CC2D2A: variants seen among roughly 807,000 people sequenced by gnomAD.
The protein encoded by CC2D2A is coiled-coil and C2 domain containing 2A.
Under a neutral mutation model 212.9 loss-of-function variants are expected in CC2D2A, and 155 were observed. The observed-to-expected ratio is 0.73, with a 90% confidence interval of 0.64 to 0.83. The LOEUF is 0.83. Ranked by LOEUF, CC2D2A falls within the 40% of genes least tolerant of loss-of-function variation. CC2D2A has a pLI of 0.00. For missense variants in CC2D2A, 1,856 were observed against 1,956.2 expected (o/e 0.95, Z 0.97); for synonymous variants, 667 against 686.5 (o/e 0.97, Z 0.44).
intron 31 of CC2D2A, among the ~76,000 whole-genome samples, chr4:15,586,903 A>G (rs1038095485): frequency 6.6e-6 from 1 of 152,218 alleles, no homozygotes; most frequent in Admixed American, 6.5e-5. Context: ...ATTTAAGTGC[A>G]CTTTAAATTT....
At chr4:15,578,814 TTG>T (rs1491048129) in intron 29 of CC2D2A, among the ~76,000 whole-genome samples, 6 of 135,668 alleles carry the variant, frequency 4.4e-5, no homozygotes, top group Non-Finnish European at 6.6e-5. Context: ...GTTTGTTTGT[TTG>T]TTTTTAATAG....
At chr4:15,524,276 G>A (rs2109021011) in intron 11 of CC2D2A, among the ~76,000 whole-genome samples, 1 of 151,462 alleles carries the variant, frequency 6.6e-6, no homozygotes, top group East Asian at 1.9e-4. Flanking sequence ...GGGATTATAG[G>A]CACCCGCCAC....
At chr4:15,476,832 T>G (rs1051764668) in intron 2 of CC2D2A, among the ~76,000 whole-genome samples, 1 of 152,196 alleles carries the variant, frequency 6.6e-6, no homozygotes, top group Non-Finnish European at 1.5e-5. Flanking sequence ...CTGTCTAATT[T>G]GGAGACTGCA....
chr4:15,537,175 G>T, intron 15 of CC2D2A, 99 bp downstream of exon 15: 2 of 1,044,802 alleles, frequency 1.9e-6, no homozygotes, highest in South Asian at 1.9e-5. Context: ...TGGCAGACTA[G>T]GGTATCCTGT....
At chr4:15,550,721 G>T in intron 17 of CC2D2A, 103 bp from the exon 18 acceptor site, 1 of 813,682 alleles carries the variant, frequency 1.2e-6, no homozygotes, top group Non-Finnish European at 1.8e-6. Flanking sequence ...CCTTAGGGCT[G>T]GAACAGTGAC....
At chr4:15,555,464 C>A (rs1159172132) in intron 20 of CC2D2A, among the ~76,000 whole-genome samples, 1 of 152,154 alleles carries the variant, frequency 6.6e-6, no homozygotes, top group African/African-American at 2.4e-5. Context: ...CTCGGCCGGG[C>A]ATGGTGGCTC....
chr4:15,492,745 G>A (rs1307737461), intron 4 of CC2D2A: 3 of 822,768 alleles, frequency 3.6e-6, no homozygotes, highest in African/African-American at 3.4e-5. Context: ...GGCCATGTGG[G>A]CCATGAGGTC....
At chr4:15,563,219 T>C (rs1719702742) in intron 23 of CC2D2A, 136 bp from the exon 24 acceptor site, 2 of 793,850 alleles carry the variant, frequency 2.5e-6, no homozygotes, top group East Asian at 2.7e-5. Flanking sequence ...TTCTAGACTA[T>C]TTCCACCCAC....
intron 2 of CC2D2A, among the ~76,000 whole-genome samples, chr4:15,477,761 A>C (rs775421750): frequency 2.1e-4 from 32 of 152,282 alleles, no homozygotes; most frequent in Non-Finnish European, 4.0e-4. Flanking sequence ...AACCAAGGCT[A>C]TTCTCTCGTT....
chr4:15,580,108 C>T lies in CC2D2A; in HGVS notation c.3912C>T (p.Leu1304=). ...SGKTVFITRY[L]KPLNPPQELL... is the part of the protein sequence containing the mutation. ...AAACTGTTTTTATCACACGTTATCT[C>T]AAACCTTTAAACCCTCCTCAGGAGC... is the stretch of plus-strand genomic sequence containing the variant. The change falls in exon 30 of 37, where the codon CTC becomes CTT. Residue 1304 remains leucine (L), a synonymous_variant. Coordinates refer to ENST00000424120, the MANE Select transcript of CC2D2A (RefSeq NM_001378615.1). The T allele has an allele frequency of 6.2e-7, 1 of 1,613,926 alleles. No individual in the cohort carries two copies.
At position 15,557,399 on chromosome 4, in the gene CC2D2A, A is replaced by T. The variant is rs1682482204; in HGVS notation, c.2721A>T (p.Arg907Ser). Residue 907 changes from arginine (R) to serine (S), a missense_variant, in exon 21 of 37, where the codon AGA becomes AGT. By Grantham distance (110) the Arg-to-Ser change is moderately radical. This residue lies in a region of CC2D2A where 1,512 missense variants were observed against 1,579.3 expected (regional missense o/e 0.96). Transcript: ENST00000424120. ...FNFVSDQELN[R>S]SKRFRLLHLR... ...TTGTTTCAGATCAAGAATTAAATAG[A>T]TCCAAACGATTTAGGCTTCTTCATC... 2 of 1,613,440 alleles carry T rather than the reference A, an allele frequency of 1.2e-6. No homozygotes were observed. The highest frequency in any genetic ancestry group is 1.7e-6 in the Non-Finnish European group (2 of 1,179,638).
At chr4:15,515,287 C>T (rs551633937) in intron 9 of CC2D2A, among the ~76,000 whole-genome samples, 50 of 152,314 alleles carry the variant, frequency 3.3e-4, no homozygotes, top group Admixed American at 2.2e-3. Flanking sequence ...GATTCAAGCT[C>T]CAAGGCAGCA....
In CC2D2A at chr4:15,517,040, C is replaced by T. The variant is rs574281914; in HGVS notation, c.1149+284C>T. ...TCGGCTCACTGCAGGCTCCGCCTCC[C>T]GGGTTCACGCCATTCTCCTGCCTCA... On this transcript the variant is annotated intron_variant, in intron 11 of 36. Transcript: ENST00000424120. Among the ~76,000 whole-genome samples, 33 of 148,578 alleles carry T rather than the reference C, an allele frequency of 2.2e-4. No individual in the cohort carries two copies. In the East Asian group the frequency reaches 5.1e-3, roughly 23 times the overall value.
intron 4 of CC2D2A, among the ~76,000 whole-genome samples, chr4:15,493,471 C>G (rs1715434942): frequency 6.6e-6 from 1 of 152,060 alleles, no homozygotes; most frequent in Non-Finnish European, 1.5e-5. Flanking sequence ...CAGCATTTTA[C>G]CATGTTGCCC....
intron 28 of CC2D2A, among the ~76,000 whole-genome samples, chr4:15,572,150 A>C (rs1429642771): frequency 6.6e-6 from 1 of 152,218 alleles, no homozygotes; most frequent in East Asian, 1.9e-4. Flanking sequence ...TATTAGGTGC[A>C]TATTATATGT....
intron 30 of CC2D2A, among the ~76,000 whole-genome samples, chr4:15,583,970 GAA>G (rs1720758470): frequency 6.7e-6 from 1 of 149,242 alleles, no homozygotes; most frequent in Non-Finnish European, 1.5e-5. Flanking sequence ...AAAAAGAAAA[GAA>G]AAGAAAATTA....
chr4:15,550,588 C>T, intron 17 of CC2D2A: 1 of 357,382 alleles, frequency 2.8e-6, no homozygotes, highest in Non-Finnish European at 5.0e-6. Flanking sequence ...ATTAGCCTCC[C>T]TACCCAGAAG....
chr4:15,508,889 T>C (rs1274811435), intron 6 of CC2D2A, among the ~76,000 whole-genome samples: 1 of 152,180 alleles, frequency 6.6e-6, no homozygotes, highest in Non-Finnish European at 1.5e-5. Flanking sequence ...TGAACACCTA[T>C]ATGTGCTACT....
intron 31 of CC2D2A, among the ~76,000 whole-genome samples, chr4:15,586,879 C>A (rs1452651827): frequency 3.3e-5 from 5 of 152,104 alleles, no homozygotes; most frequent in Admixed American, 2.0e-4. Context: ...GAAGTATAGC[C>A]CTAAATTGAA....
Sources: gnomAD v4.1 joint callset for allele counts (sites outside exome capture counted in the v4.1 genomes callset) on GRCh38, gnomAD v4.1.1 for gene constraint, gnomAD v4.1.1 regional missense constraint, MANE v1.5 for transcripts, NCBI Gene and HGNC (gene_info 2026-07-23, HGNC 2026-07-21) for gene names.